The following COP1 variants were observed in gnomAD, a reference collection of about 807,000 sequenced individuals.
COP1 encodes the protein E3 ubiquitin-protein ligase COP1.
A neutral mutation model predicts 101.3 loss-of-function variants in COP1; 24 were observed. That is an observed-to-expected ratio of 0.24 (90% confidence interval 0.17 to 0.33). The LOEUF is 0.33. Ranked by LOEUF, COP1 falls within the 10% of genes least tolerant of loss-of-function variation. COP1 has a pLI of 1.00. For missense variants in COP1, 663 were observed against 906.2 expected (o/e 0.73, Z 3.45); for synonymous variants, 347 against 341.9 (o/e 1.01, Z -0.17).
At chr1:176,113,824 T>C (rs1423170471) in intron 9 of COP1, among the ~76,000 whole-genome samples, 1 of 152,132 alleles carries the variant, frequency 6.6e-6, no homozygotes, top group Non-Finnish European at 1.5e-5. Flanking sequence ...CAAGTGGGAA[T>C]GATTCTATAA....
chr1:175,955,771 C>CACACACACACACAA (rs1389652692), intron 18 of COP1, among the ~76,000 whole-genome samples: 4 of 148,640 alleles, frequency 2.7e-5, no homozygotes, highest in Non-Finnish European at 4.5e-5. Context: ...ACAAACCACA[C>CACACACACACACAA]ACACACACAC....
chr1:175,951,139 C>T (rs1269598399), intron 18 of COP1, among the ~76,000 whole-genome samples: 1 of 152,022 alleles, frequency 6.6e-6, no homozygotes, highest in Non-Finnish European at 1.5e-5. Flanking sequence ...ATCCCAGCTA[C>T]TTGGGAGGCT....
chr1:176,174,344 A>G (rs1188230418), intron 3 of COP1, among the ~76,000 whole-genome samples: 1 of 152,208 alleles, frequency 6.6e-6, no homozygotes, highest in Admixed American at 6.5e-5. Flanking sequence ...TTTGCCCTAC[A>G]GGATGTGGTT....
At chr1:176,049,995 G>A (rs752601452) in intron 11 of COP1, among the ~76,000 whole-genome samples, 2 of 152,122 alleles carry the variant, frequency 1.3e-5, no homozygotes, top group Non-Finnish European at 2.9e-5. Context: ...GCTATACAAC[G>A]TTCATTTCTG....
intron 8 of COP1, among the ~76,000 whole-genome samples, chr1:176,119,508 T>C (rs1222366748): frequency 6.6e-6 from 1 of 152,188 alleles, no homozygotes; most frequent in Non-Finnish European, 1.5e-5. Flanking sequence ...TATTAATGAT[T>C]ACACAATATG....
At position 176,206,574 on chromosome 1, in the gene COP1, T is replaced by C. The variant is rs1572853301; in HGVS notation, c.405A>G (p.Val135=). Residue 135 remains valine, a splice_region_variant and synonymous_variant, in exon 1 of 20, where the codon GTA becomes GTG. Transcript: ENST00000367669. ...GAGGGAGTGCTCTTCAAACCCACCA[T>C]ACGAAGTCGTTGCTTTTGTCCTCGT... is the stretch of plus-strand genomic sequence containing the variant. ...NSYEDKSNDF[V]CPICFDMIEE... 2 of 1,602,940 alleles carry C rather than the reference T, an allele frequency of 1.2e-6. No homozygotes were observed. The highest frequency in any genetic ancestry group is 1.7e-6 in the Non-Finnish European group (2 of 1,175,910).
chr1:175,971,675 A>G (rs1653268002), intron 18 of COP1, among the ~76,000 whole-genome samples: 1 of 152,200 alleles, frequency 6.6e-6, no homozygotes, highest in Non-Finnish European at 1.5e-5. Flanking sequence ...GTAATAAATC[A>G]GTCAATGTTT....
At chr1:176,206,441 G>T in intron 1 of COP1, 131 bp downstream of exon 1, 1 of 1,068,722 alleles carries the variant, frequency 9.4e-7, no homozygotes, top group Non-Finnish European at 1.3e-6. Flanking sequence ...GATTCCCTCT[G>T]CAGACACCAC....
chr1:176,062,028 C>G (rs1674942931), intron 11 of COP1, among the ~76,000 whole-genome samples: 1 of 152,126 alleles, frequency 6.6e-6, no homozygotes, highest in Admixed American at 6.5e-5. Flanking sequence ...GAGACGGCAT[C>G]TCACTCTATC....
intron 18 of COP1, among the ~76,000 whole-genome samples, chr1:175,971,937 T>C (rs1360502557): frequency 6.6e-6 from 1 of 152,128 alleles, no homozygotes; most frequent in East Asian, 1.9e-4. Context: ...TTTGAGACAG[T>C]ACCTAATCAC....
At chr1:176,151,485 T>G (rs1394928949) in intron 5 of COP1, among the ~76,000 whole-genome samples, 1 of 152,218 alleles carries the variant, frequency 6.6e-6, no homozygotes, top group African/African-American at 2.4e-5. Flanking sequence ...GTTACACTTG[T>G]CCCATCTGGT....
At chr1:175,986,875 T>A (rs752022672) in intron 18 of COP1, 68 bp downstream of exon 18, 18 of 1,212,990 alleles carry the variant, frequency 1.5e-5, no homozygotes, top group Non-Finnish European at 2.0e-5. Context: ...TAAAATTTAA[T>A]CAAACCCTGT....
chr1:176,007,627 C>A (rs1185559195), intron 15 of COP1, among the ~76,000 whole-genome samples: 1 of 151,786 alleles, frequency 6.6e-6, no homozygotes, highest in Non-Finnish European at 1.5e-5. Context: ...TGTGCCCCTG[C>A]TGGGGGGTGT....
intron 16 of COP1, 148 bp from the exon 17 acceptor site, chr1:175,988,560 T>C (rs762345369): frequency 8.5e-6 from 6 of 708,044 alleles, no homozygotes; most frequent in Non-Finnish European, 1.3e-5. Flanking sequence ...CGGCCAGGCG[T>C]GGTGGCTCAC....
chr1:176,031,095 C>G (rs907265225), intron 14 of COP1, among the ~76,000 whole-genome samples: 1 of 152,154 alleles, frequency 6.6e-6, no homozygotes, highest in African/African-American at 2.4e-5. Context: ...AGAGCCTTCA[C>G]AGAGAGTGTG....
At chr1:176,001,497 C>T (rs549605793) in intron 15 of COP1, among the ~76,000 whole-genome samples, 1 of 152,000 alleles carries the variant, frequency 6.6e-6, no homozygotes, top group Non-Finnish European at 1.5e-5. Flanking sequence ...TGATATACTA[C>T]AGTGATGTAA....
chr1:176,150,891 G>T (rs791748), intron 5 of COP1, among the ~76,000 whole-genome samples: 11,766 of 151,986 alleles, frequency 0.077, 1,236 homozygotes, highest in African/African-American at 0.24. Context: ...TTTAAAGGAA[G>T]AATTTCAAGA....
chr1:176,186,229 T>C (rs565052909), intron 1 of COP1, among the ~76,000 whole-genome samples: 1 of 152,192 alleles, frequency 6.6e-6, no homozygotes, highest in Non-Finnish European at 1.5e-5. Flanking sequence ...AGGGGTATTT[T>C]AGTGTTTGAG....
At chr1:176,053,307 GCTT>G (rs1260213022) in intron 11 of COP1, among the ~76,000 whole-genome samples, 2 of 151,920 alleles carry the variant, frequency 1.3e-5, no homozygotes, top group Non-Finnish European at 2.9e-5. Flanking sequence ...ACTATACATA[GCTT>G]CTTCGTCATT....
Sources: allele counts gnomAD v4.1 joint callset (sites outside exome capture counted in the v4.1 genomes callset), GRCh38; gene constraint gnomAD v4.1.1; transcripts MANE v1.5; gene names NCBI Gene and HGNC (gene_info 2026-07-23, HGNC 2026-07-21).